Variants in SNX18 observed in about 807,000 individuals in gnomAD.
SNX18 encodes sorting nexin-18.
Under a neutral mutation model 48.7 loss-of-function variants are expected in SNX18, and 35 were observed. The observed-to-expected ratio is 0.72, with a 90% CI of 0.55 to 0.95. The LOEUF is 0.95. Among genes scored for constraint, SNX18 ranks in the 40% least tolerant of loss-of-function variants. The probability of loss-of-function intolerance (pLI) is 0.00; values close to 1 mark genes in which losing one functional copy is unlikely to be tolerated. For synonymous variants in SNX18, 492 were observed against 384.7 expected (o/e 1.28, Z -3.26); for missense variants, 824 against 871.0 (o/e 0.95, Z 0.68).
At chr5:54,560,813 A>G in the SNX18 span, among the ~76,000 whole-genome samples, 2 of 152,098 alleles carry the variant, frequency 1.3e-5, no homozygotes, top group Non-Finnish European at 2.9e-5. Context: ...CCAGGTGACA[A>G]TCATGTCTGC....
the SNX18 span, among the ~76,000 whole-genome samples, chr5:54,557,709 T>C: frequency 6.6e-6 from 1 of 152,242 alleles, no homozygotes; most frequent in Non-Finnish European, 1.5e-5. Context: ...AACATGAATG[T>C]ACTTAATATT....
the SNX18 span, among the ~76,000 whole-genome samples, chr5:54,605,093 T>C: frequency 1.3e-5 from 2 of 152,070 alleles, no homozygotes; most frequent in South Asian, 4.1e-4. Flanking sequence ...AAATGTAAGA[T>C]CTAAGATGTA....
At position 54,524,087 on chromosome 5, in the gene SNX18, C is replaced by G. The variant is rs142354792; in HGVS notation, c.1621+4514C>G. Among the ~76,000 whole-genome samples, 381 of 152,344 alleles carry G rather than the reference C, an allele frequency of 2.5e-3. 1 individual carries two copies. Among genetic ancestry groups the G allele is most frequent in the African/African-American group, 8.9e-3 (370 of 41,570 alleles). The stretch of plus-strand genomic sequence containing the variant: ...TCCTCTCCCCTGCATTTACCCCCAG[C>G]TGTTCTCTAAAAAGACCTCATGTCT... On this transcript the variant is annotated intron_variant, in intron 1 of 1. Transcript: ENST00000381410.
rs777478470 is a variant in SNX18 at position 54,519,304 on chromosome 5, A to G, written c.1352A>G (p.Glu451Gly). 3 of 1,613,962 alleles carry G rather than the reference A, an allele frequency of 1.9e-6. No homozygotes were observed. The highest frequency in any genetic ancestry group is 2.2e-5 in the South Asian group (2 of 91,082). Residue 451 changes from glutamate (E) to glycine (G), a missense_variant, in exon 1 of 2, where the codon GAG becomes GGG. Glu to Gly is a moderately conservative substitution (Grantham distance 98, BLOSUM62 -2). Around this residue, in one of 3 missense-constraint regions of SNX18, gnomAD observed 443 missense variants for 503.6 expected, o/e 0.88. Coordinates refer to ENST00000381410, the MANE Select transcript of SNX18 (RefSeq NM_001102575.2). ...CTGCAGCTCAACCACACGGCCAACGAGTTCGCGCGCAAGCAGGTGACCGGC... is the reference window on the plus strand; with the variant it reads ...CTGCAGCTCAACCACACGGCCAACGGGTTCGCGCGCAAGCAGGTGACCGGC... ...SALQLNHTAN[E>G]FARKQVTGFK...
the SNX18 span, among the ~76,000 whole-genome samples, chr5:54,626,201 T>C: frequency 2.0e-5 from 3 of 152,346 alleles, no homozygotes; most frequent in Admixed American, 2.0e-4. Context: ...AAAATTTCTG[T>C]CTAGTAAAAA....
At chr5:54,619,070 T>C in the SNX18 span, among the ~76,000 whole-genome samples, 1 of 152,162 alleles carries the variant, frequency 6.6e-6, no homozygotes, top group South Asian at 2.1e-4. Flanking sequence ...CAGGTTTCCA[T>C]TAATAAGCTG....
At chr5:54,600,768 G>A in the SNX18 span, among the ~76,000 whole-genome samples, 21,808 of 152,114 alleles carry the variant, frequency 0.14, 1,942 homozygotes, top group South Asian at 0.21. Context: ...ATAACTGGGA[G>A]CTGAACAATG....
At chr5:54,622,125 G>A in the SNX18 span, among the ~76,000 whole-genome samples, 1 of 152,192 alleles carries the variant, frequency 6.6e-6, no homozygotes, top group Non-Finnish European at 1.5e-5. Context: ...ATTTATTTGT[G>A]AGAATATTTT....
the SNX18 span, among the ~76,000 whole-genome samples, chr5:54,637,061 A>G: frequency 6.6e-6 from 1 of 152,238 alleles, no homozygotes; most frequent in Non-Finnish European, 1.5e-5. Context: ...AAGTTTGCAC[A>G]TTGACAAATG....
rs1421146395 is a variant in SNX18 at position 54,519,062 on chromosome 5, G to T, written c.1110G>T (p.Ala370=). 6.2e-7 allele frequency: 1 copy of T among 1,613,840 alleles called. No individual in the cohort carries two copies. The highest frequency in any genetic ancestry group is 2.2e-5 in the East Asian group (1 of 44,852). The part of the protein sequence containing the change: ...MNHMASHPVL[A]QCDVFQHFLT... ...ACATGGCCAGCCACCCAGTGCTGGC[G>T]CAGTGCGACGTCTTCCAGCACTTCC... The change falls in exon 1 of 2, where the codon GCG becomes GCT. Residue 370 remains alanine, a synonymous_variant. Transcript: ENST00000381410.
chr5:54,612,163 C>G, the SNX18 span, among the ~76,000 whole-genome samples: 5,574 of 152,202 alleles, frequency 0.037, 363 homozygotes, highest in African/African-American at 0.13. Flanking sequence ...TAGTAATGAG[C>G]TATTCCTAAT....
chr5:54,518,393 C>T lies in SNX18; in HGVS notation c.441C>T (p.Ser147=). ...AGCTCTACGGCGGCTACCAGGCCAG[C>T]CAAGGCAGCGATGATGACTGGGACG... ...PQQLYGGYQA[S]QGSDDDWDDE... is the part of the protein sequence containing the mutation. Residue 147 remains serine (S), a synonymous_variant, in exon 1 of 2, where the codon AGC becomes AGT. Transcript: ENST00000381410. 1.3e-6 allele frequency: 2 copies of T among 1,580,560 alleles called. No homozygotes were observed. Among genetic ancestry groups the T allele is most frequent in the Non-Finnish European group, 1.7e-6 (2 of 1,164,514 alleles).
the SNX18 span, among the ~76,000 whole-genome samples, chr5:54,618,027 T>C: frequency 6.6e-6 from 1 of 152,128 alleles, no homozygotes; most frequent in African/African-American, 2.4e-5. Context: ...CCAAATCTCA[T>C]CTTGAATTGT....
the SNX18 span, among the ~76,000 whole-genome samples, chr5:54,568,905 C>T: frequency 5.5e-5 from 8 of 144,390 alleles, no homozygotes; most frequent in African/African-American, 1.8e-4. Context: ...TGCAGTGGCA[C>T]GATCTTGGCT....
the SNX18 span, among the ~76,000 whole-genome samples, chr5:54,568,782 G>A: frequency 6.7e-6 from 1 of 150,276 alleles, no homozygotes; most frequent in African/African-American, 2.5e-5. Context: ...TTGCTTTTAG[G>A]AGTGCTTTAG....
rs1170768695 is a variant in SNX18 at position 54,544,647 on chromosome 5, CA to C, written c.*1216del. On this transcript the variant is annotated 3_prime_UTR_variant, in exon 2 of 2. Coordinates refer to ENST00000381410, the MANE Select transcript of SNX18 (RefSeq NM_001102575.2). ...AAGGTATTGATGAGCCCCCCCCCCC[CA>C]GGACATTTAACCTTAAAATTTATTT... The C allele has an allele frequency of 2.4e-5, 3 of 123,246 alleles. No homozygotes were observed. The highest frequency in any genetic ancestry group is 3.1e-4 in the South Asian group (1 of 3,278). 7.6% of individuals were successfully genotyped at this position (123,246 alleles called of 1,614,324 possible).
the SNX18 span, among the ~76,000 whole-genome samples, chr5:54,614,005 AG>A: frequency 6.6e-6 from 1 of 152,182 alleles, no homozygotes; most frequent in African/African-American, 2.4e-5. Flanking sequence ...TAAGAACCCA[AG>A]TTTGGTGTTC....
the SNX18 span, among the ~76,000 whole-genome samples, chr5:54,626,040 C>T: frequency 0.39 from 59,540 of 152,014 alleles, 12,274 homozygotes; most frequent in African/African-American, 0.51. Flanking sequence ...AGGCCTATCC[C>T]TAGATTTTTC....
At chr5:54,530,968 G>C (rs1762244690) in intron 1 of SNX18, among the ~76,000 whole-genome samples, 1 of 151,752 alleles carries the variant, frequency 6.6e-6, no homozygotes, top group Admixed American at 6.6e-5. Context: ...GGCCAGGCTT[G>C]TCTCAAACTC....
Sources: allele counts gnomAD v4.1 joint callset (sites outside exome capture counted in the v4.1 genomes callset), GRCh38; gene constraint gnomAD v4.1.1; regional missense constraint gnomAD v4.1.1; transcripts MANE v1.5; gene names NCBI Gene and HGNC (gene_info 2026-07-23, HGNC 2026-07-21).